AKAP19: variants seen among roughly 807,000 people sequenced by gnomAD.
AKAP19 encodes A-kinase anchoring protein 19, also known as small A-kinase anchoring protein.
the AKAP19 span, among the ~76,000 whole-genome samples, chr2:189,998,748 C>CTTCT: frequency 4.4e-4 from 57 of 129,532 alleles, no homozygotes; most frequent in South Asian, 1.3e-3. Flanking sequence ...TTACTTTTCT[C>CTTCT]TTCTTTCTTT....
the AKAP19 span, among the ~76,000 whole-genome samples, chr2:190,072,544 A>G: frequency 3.3e-5 from 5 of 152,376 alleles, no homozygotes. Flanking sequence ...TTTGTAGTGA[A>G]TGCTATATCC....
At chr2:190,116,140 A>T in the AKAP19 span, among the ~76,000 whole-genome samples, 3 of 152,242 alleles carry the variant, frequency 2.0e-5, no homozygotes, top group Non-Finnish European at 4.4e-5. Context: ...TATCACAGGA[A>T]AAAAGGGGAA....
the AKAP19 span, chr2:190,202,142 T>C: frequency 6.0e-6 from 1 of 167,134 alleles, no homozygotes; most frequent in African/African-American, 2.4e-5. Flanking sequence ...TTCCCAGGGG[T>C]GTGACAGAGA....
the AKAP19 span, among the ~76,000 whole-genome samples, chr2:190,115,301 A>T: frequency 0.015 from 88 of 5,788 alleles, 1 homozygote; most frequent in Non-Finnish European, 0.016. Flanking sequence ...ATATATATAT[A>T]TTTTTTTTTT....
chr2:190,199,908 TGAAG>T, the AKAP19 span: 1 of 1,614,026 alleles, frequency 6.2e-7, no homozygotes. Context: ...CTACCATATA[TGAAG>T]GTGAGAAGCA....
chr2:190,118,333 T>C, the AKAP19 span, among the ~76,000 whole-genome samples: 3 of 152,160 alleles, frequency 2.0e-5, no homozygotes, highest in South Asian at 2.1e-4. Flanking sequence ...TTCCAATCAA[T>C]AGAAAAAGAG....
At chr2:189,940,210 C>T in the AKAP19 span, among the ~76,000 whole-genome samples, 4 of 149,342 alleles carry the variant, frequency 2.7e-5, no homozygotes, top group Admixed American at 6.7e-5. Flanking sequence ...ACCCAGGAGG[C>T]GGAGTTTGCA....
chr2:189,895,729 C>T, the AKAP19 span, among the ~76,000 whole-genome samples: 1 of 151,958 alleles, frequency 6.6e-6, no homozygotes, highest in Non-Finnish European at 1.5e-5. Flanking sequence ...GAAAGAGCAA[C>T]TAAATGTTTT....
chr2:190,083,003 C>T, the AKAP19 span, among the ~76,000 whole-genome samples: 1 of 152,244 alleles, frequency 6.6e-6, no homozygotes, highest in East Asian at 1.9e-4. Context: ...TATATGCATA[C>T]ATTATGGAAT....
the AKAP19 span, among the ~76,000 whole-genome samples, chr2:190,088,606 T>C: frequency 6.6e-6 from 1 of 152,030 alleles, no homozygotes; most frequent in Admixed American, 6.6e-5. Flanking sequence ...TTGTATAAAC[T>C]CATAAAGGCT....
chr2:190,148,065 G>C, the AKAP19 span, among the ~76,000 whole-genome samples: 1 of 152,068 alleles, frequency 6.6e-6, no homozygotes. Context: ...TGGTGAGGGT[G>C]GGCATCCTTG....
chr2:189,919,421 T>C, the AKAP19 span, among the ~76,000 whole-genome samples: 347 of 152,114 alleles, frequency 2.3e-3, 3 homozygotes, highest in South Asian at 5.6e-3. Context: ...ATCCTTTTTT[T>C]TCTTTATTCT....
chr2:190,068,154 G>A, the AKAP19 span, among the ~76,000 whole-genome samples: 1 of 152,050 alleles, frequency 6.6e-6, no homozygotes, highest in Non-Finnish European at 1.5e-5. Flanking sequence ...TCCCCTCCTC[G>A]ATTATTACAA....
the AKAP19 span, among the ~76,000 whole-genome samples, chr2:189,942,724 T>C: frequency 2.1e-3 from 320 of 152,302 alleles, 2 homozygotes; most frequent in African/African-American, 7.3e-3. Context: ...ATGAGGAACT[T>C]ATTGGGAACT....
the AKAP19 span, among the ~76,000 whole-genome samples, chr2:189,952,557 G>A: frequency 6.6e-6 from 1 of 152,094 alleles, no homozygotes; most frequent in Non-Finnish European, 1.5e-5. Flanking sequence ...TCTCCTATAT[G>A]AGAACAATAT....
chr2:190,192,813 T>A, the AKAP19 span, among the ~76,000 whole-genome samples: 2 of 152,224 alleles, frequency 1.3e-5, no homozygotes, highest in African/African-American at 2.4e-5. Flanking sequence ...ATTAATTTCA[T>A]CTTCTGCTAA....
At chr2:190,083,726 AG>A in the AKAP19 span, among the ~76,000 whole-genome samples, 7 of 152,152 alleles carry the variant, frequency 4.6e-5, no homozygotes, top group Non-Finnish European at 1.5e-5. Flanking sequence ...GTCAGTCTAG[AG>A]TCCACATAGC....
At chr2:190,032,773 T>A in the AKAP19 span, among the ~76,000 whole-genome samples, 1 of 152,158 alleles carries the variant, frequency 6.6e-6, no homozygotes, top group Non-Finnish European at 1.5e-5. Context: ...ATAATCAAAT[T>A]AGATAAAACA....
chr2:189,975,383 A>G, the AKAP19 span, among the ~76,000 whole-genome samples: 2 of 152,162 alleles, frequency 1.3e-5, no homozygotes, highest in Non-Finnish European at 2.9e-5. Context: ...TTTGTGGGTA[A>G]CCCGACCTTT....
Sources: allele counts gnomAD v4.1 joint callset (sites outside exome capture counted in the v4.1 genomes callset), GRCh38; gene constraint gnomAD v4.1.1; transcripts MANE v1.5; gene names NCBI Gene and HGNC (gene_info 2026-07-23, HGNC 2026-07-21).